Variants in MAGI2 observed in about 807,000 individuals in gnomAD.
MAGI2 encodes membrane associated guanylate kinase, WW and PDZ domain containing 2.
Under a neutral mutation model 133.3 loss-of-function variants are expected in MAGI2, and 35 were observed. That is an observed-to-expected ratio of 0.26 (90% CI 0.20 to 0.35). The LOEUF (loss-of-function observed/expected upper bound fraction) is 0.35. MAGI2 is among the 10% of genes least tolerant of loss of function. The pLI, the probability that MAGI2 is intolerant of heterozygous loss-of-function variation, is 1.00. For synonymous variants in MAGI2, 729 were observed against 710.6 expected (o/e 1.03, Z -0.41); for missense variants, 1,636 against 1,863.4 (o/e 0.88, Z 2.25).
intron 2 of MAGI2, among the ~76,000 whole-genome samples, chr7:79,003,952 C>A (rs1333861706): frequency 6.6e-6 from 1 of 152,070 alleles, no homozygotes; most frequent in African/African-American, 2.4e-5. Context: ...GCAAAAATAA[C>A]AAATGCTGGT....
chr7:79,300,274 C>A (rs189477234), intron 1 of MAGI2, among the ~76,000 whole-genome samples: 1 of 152,080 alleles, frequency 6.6e-6, no homozygotes, highest in Non-Finnish European at 1.5e-5. Context: ...ATGGTTGTGA[C>A]CAAAATGCTG....
intron 1 of MAGI2, among the ~76,000 whole-genome samples, chr7:79,225,661 T>G (rs1230442660): frequency 6.6e-6 from 1 of 152,192 alleles, no homozygotes; most frequent in East Asian, 1.9e-4. Context: ...TTTAATATTT[T>G]GAGCAAATTT....
intron 21 of MAGI2, among the ~76,000 whole-genome samples, chr7:78,071,472 G>A (rs1814691687): frequency 6.6e-6 from 1 of 152,164 alleles, no homozygotes; most frequent in South Asian, 2.1e-4. Flanking sequence ...GGGAGGTGGA[G>A]TCTGCAGTGA....
At chr7:78,230,192 G>A (rs934523616) in intron 10 of MAGI2, among the ~76,000 whole-genome samples, 2 of 152,194 alleles carry the variant, frequency 1.3e-5, no homozygotes, top group Admixed American at 6.5e-5. Context: ...CCTAACACTC[G>A]AGGGCACTGT....
intron 2 of MAGI2, among the ~76,000 whole-genome samples, chr7:78,629,672 T>C (rs1268826131): frequency 1.3e-5 from 2 of 152,280 alleles, no homozygotes; most frequent in East Asian, 1.9e-4. Flanking sequence ...GATTACTTAA[T>C]GTCAGTTTGA....
intron 7 of MAGI2, among the ~76,000 whole-genome samples, chr7:78,355,911 C>T (rs943136009): frequency 9.9e-5 from 15 of 152,046 alleles, no homozygotes; most frequent in South Asian, 8.3e-4. Flanking sequence ...AGTGACTGAA[C>T]GTGTTTTACC....
chr7:78,116,784 G>A (rs1446055304), intron 20 of MAGI2, among the ~76,000 whole-genome samples: 1 of 151,886 alleles, frequency 6.6e-6, no homozygotes, highest in African/African-American at 2.4e-5. Context: ...AGGCTGAGGT[G>A]GGAGGATTAC....
rs909058918 is a variant in MAGI2 at position 79,408,044 on chromosome 7, T to A, written c.301+44976A>T. Among the ~76,000 whole-genome samples, 7 of 152,266 alleles carry A rather than the reference T, an allele frequency of 4.6e-5. No homozygotes were observed. In the East Asian group the frequency reaches 1.4e-3, roughly 29 times the overall value. ...TTCCCATGTAACTTATTTACTTTGG[T>A]ACAGCTTCTCTGAGATAGCTAATAT... is the stretch of plus-strand genomic sequence containing the variant. On this transcript the variant is annotated intron_variant, in intron 1 of 21. Coordinates refer to ENST00000354212, the MANE Select transcript of MAGI2 (RefSeq NM_012301.4).
At chr7:78,804,754 A>AAACAAAAAAAAC (rs557221453) in intron 2 of MAGI2, among the ~76,000 whole-genome samples, 77 of 10,634 alleles carry the variant, frequency 7.2e-3, no homozygotes, top group African/African-American at 0.011. Context: ...GTCTCAAAAA[A>AAACAAAAAAAAC]AAAAAAAAAA....
intron 2 of MAGI2, among the ~76,000 whole-genome samples, chr7:78,740,804 C>T (rs1822341924): frequency 6.6e-6 from 1 of 152,142 alleles, no homozygotes; most frequent in Non-Finnish European, 1.5e-5. Context: ...TATGTGAAAG[C>T]AAACAAAGAA....
intron 10 of MAGI2, among the ~76,000 whole-genome samples, chr7:78,235,991 A>T (rs11768635): frequency 0.29 from 44,059 of 151,370 alleles, 7,474 homozygotes; most frequent in Non-Finnish European, 0.37. Context: ...TCCAGTTAAA[A>T]GAGTTTTTCC....
chr7:78,322,617 G>A (rs1039623125), intron 9 of MAGI2, among the ~76,000 whole-genome samples: 2 of 152,098 alleles, frequency 1.3e-5, no homozygotes, highest in African/African-American at 2.4e-5. Context: ...TTGGTAGATG[G>A]GGGGATAGGG....
chr7:78,582,567 G>A (rs902110903), intron 3 of MAGI2, among the ~76,000 whole-genome samples: 2 of 152,308 alleles, frequency 1.3e-5, no homozygotes, highest in South Asian at 2.1e-4. Context: ...CCAGTTAGGA[G>A]CCATGTGCCA....
At chr7:79,026,644 G>A (rs1002816914) in intron 1 of MAGI2, among the ~76,000 whole-genome samples, 1 of 152,018 alleles carries the variant, frequency 6.6e-6, no homozygotes, top group Non-Finnish European at 1.5e-5. Context: ...AGGCTGAGGC[G>A]AGCAGATTGC....
intron 1 of MAGI2, among the ~76,000 whole-genome samples, chr7:79,013,701 T>C (rs1808411010): frequency 6.6e-6 from 1 of 152,156 alleles, no homozygotes; most frequent in African/African-American, 2.4e-5. Context: ...CTTTGATTTC[T>C]GATGATCTAG....
At chr7:78,977,722 GAC>G (rs1804417343) in intron 2 of MAGI2, among the ~76,000 whole-genome samples, 1 of 151,618 alleles carries the variant, frequency 6.6e-6, no homozygotes, top group African/African-American at 2.4e-5. Flanking sequence ...ATCTATGAAA[GAC>G]ACTGCTGAGG....
intron 2 of MAGI2, among the ~76,000 whole-genome samples, chr7:78,724,546 A>G (rs1417393418): frequency 1.3e-5 from 2 of 152,162 alleles, no homozygotes; most frequent in African/African-American, 4.8e-5. Flanking sequence ...GCATTAAAGT[A>G]TGGGCGCCCT....
At chr7:78,448,874 G>C (rs1788426190) in intron 6 of MAGI2, among the ~76,000 whole-genome samples, 1 of 151,956 alleles carries the variant, frequency 6.6e-6, no homozygotes, top group South Asian at 2.1e-4. Flanking sequence ...CTAAAGACAA[G>C]CTTTATCAAG....
intron 9 of MAGI2, among the ~76,000 whole-genome samples, chr7:78,268,410 A>ATGTGCTAAGAACAATAACCG (rs1794226622): frequency 6.6e-6 from 1 of 152,192 alleles, no homozygotes; most frequent in Admixed American, 6.5e-5. Context: ...AGCTACTACT[A>ATGTGCTAAGAACAATAACCG]TGTGCTAAGA....
Sources: allele counts gnomAD v4.1 joint callset (sites outside exome capture counted in the v4.1 genomes callset), GRCh38; gene constraint gnomAD v4.1.1; transcripts MANE v1.5; gene names NCBI Gene and HGNC (gene_info 2026-07-23, HGNC 2026-07-21).